Variants in QDPR observed in about 807,000 individuals in gnomAD.
The protein encoded by QDPR is quinoid dihydropteridine reductase, also known as dihydropteridine reductase.
In QDPR, 23 loss-of-function variants were observed where a neutral mutation model predicts 31.7. The observed-to-expected ratio is 0.73, with a 90% CI of 0.52 to 1.03. QDPR has a LOEUF of 1.03. Ranked by LOEUF, QDPR falls within the 50% of genes least tolerant of loss-of-function variation. The probability of loss-of-function intolerance (pLI) is 0.00; values close to 1 mark genes in which losing one functional copy is unlikely to be tolerated. For missense variants in QDPR, 324 were observed against 323.8 expected (o/e 1.00, Z 0.00); for synonymous variants, 124 against 124.7 (o/e 0.99, Z 0.03).
At chr4:17,504,151 C>T (rs539838957) in intron 3 of QDPR, among the ~76,000 whole-genome samples, 2 of 152,174 alleles carry the variant, frequency 1.3e-5, no homozygotes, top group African/African-American at 4.8e-5. Context: ...TCTGCCTCTA[C>T]TTTAAACTCA....
intron 1 of QDPR, among the ~76,000 whole-genome samples, chr4:17,510,542 T>C (rs1237311713): frequency 6.6e-6 from 1 of 152,098 alleles, no homozygotes; most frequent in African/African-American, 2.4e-5. Flanking sequence ...ACTGAAACAA[T>C]GAAAAGTCTC....
chr4:17,501,087 C>T (rs1718545631), intron 4 of QDPR, among the ~76,000 whole-genome samples: 1 of 152,166 alleles, frequency 6.6e-6, no homozygotes, highest in African/African-American at 2.4e-5. Context: ...CACTATTTTA[C>T]AATTAAGGAA....
chr4:17,499,782 T>C (rs1718494460), intron 4 of QDPR, among the ~76,000 whole-genome samples: 1 of 152,122 alleles, frequency 6.6e-6, no homozygotes. Context: ...TAGCCAGGCA[T>C]GGCAGTGTGT....
chr4:17,495,338 G>A (rs1419709318), intron 4 of QDPR, among the ~76,000 whole-genome samples: 1 of 152,150 alleles, frequency 6.6e-6, no homozygotes, highest in Non-Finnish European at 1.5e-5. Context: ...CCATGTCATG[G>A]AGCCTCTTCT....
chr4:17,486,893 A>G lies in QDPR; in HGVS notation c.*238T>C. 1 of 552,024 alleles carries G rather than the reference A, an allele frequency of 1.8e-6. No individual in the cohort carries two copies. Among genetic ancestry groups the G allele is most frequent in the Non-Finnish European group, 3.3e-6 (1 of 305,782 alleles). 34.2% of individuals were successfully genotyped at this position (552,024 alleles called of 1,614,324 possible). On this transcript the variant is annotated 3_prime_UTR_variant, in exon 7 of 7. Coordinates refer to ENST00000281243, the MANE Select transcript of QDPR (RefSeq NM_000320.3). ...GCAGGTGCTATGCAGAGCCCTCCCT[A>G]TGCAGTTAACACAGATCAACGGATG...
At chr4:17,506,254 C>T (rs549723838) in intron 2 of QDPR, among the ~76,000 whole-genome samples, 2 of 152,254 alleles carry the variant, frequency 1.3e-5, no homozygotes, top group Admixed American at 6.5e-5. Context: ...CTCAGCCTCC[C>T]GAGTAGCTGG....
chr4:17,487,315 T>A (rs959541263), intron 6 of QDPR, 79 bp from the exon 7 acceptor site: 2 of 1,024,048 alleles, frequency 2.0e-6, no homozygotes, highest in Admixed American at 1.9e-5. Flanking sequence ...AGTGACGGCT[T>A]GTGGGGTGGG....
intron 1 of QDPR, among the ~76,000 whole-genome samples, chr4:17,511,063 T>C (rs10027962): frequency 0.036 from 5,516 of 152,244 alleles, 339 homozygotes; most frequent in African/African-American, 0.13. Flanking sequence ...CCTTCATCTA[T>C]AAAAATTAGA....
intron 6 of QDPR, 35 bp from the exon 7 acceptor site, chr4:17,487,271 C>CAA (rs1717996007): frequency 6.9e-7 from 1 of 1,452,152 alleles, no homozygotes; most frequent in African/African-American, 1.5e-5. Context: ...TTTATATTCT[C>CAA]AAAGCAAAAA....
chr4:17,490,822 A>AAAACGC (rs769817692), intron 5 of QDPR, 77 bp from the exon 6 acceptor site: 7 of 1,159,320 alleles, frequency 6.0e-6, no homozygotes, highest in Non-Finnish European at 8.9e-6. Flanking sequence ...CTTGGCCAGG[A>AAAACGC]AAACGCAAAC....
rs1036307949 is a variant in QDPR, at chr4:17,486,899, T to G, written c.*232A>C. ...GCTATGCAGAGCCCTCCCTATGCAG[T>G]TAACACAGATCAACGGATGCTATTT... is the stretch of plus-strand genomic sequence containing the variant. On this transcript the variant is annotated 3_prime_UTR_variant, in exon 7 of 7. Coordinates refer to ENST00000281243, the MANE Select transcript of QDPR (RefSeq NM_000320.3). 35 of 567,816 alleles carry G rather than the reference T, an allele frequency of 6.2e-5. No homozygotes were observed. In the Admixed American group the frequency reaches 9.9e-4, roughly 16 times the overall value. 35.2% of individuals were successfully genotyped at this position (567,816 alleles called of 1,614,324 possible).
intron 6 of QDPR, among the ~76,000 whole-genome samples, chr4:17,488,441 A>C (rs1718047084): frequency 6.6e-6 from 1 of 152,134 alleles, no homozygotes; most frequent in Admixed American, 6.5e-5. Flanking sequence ...CAAACAATGG[A>C]AAAAGAGATA....
Position 17,487,036 on chromosome 4 carries a change from A to G in QDPR, c.*95T>C. ...ATAGGACTCATTATCTCGTACCACA[A>G]ACAGGGGTTACAGAAAACACAAGGC... On this transcript the variant is annotated 3_prime_UTR_variant, in exon 7 of 7. Coordinates refer to ENST00000281243, the MANE Select transcript of QDPR (RefSeq NM_000320.3). 2.1e-6 allele frequency: 2 copies of G among 962,440 alleles called. No homozygotes were observed. 59.6% of individuals were successfully genotyped at this position (962,440 alleles called of 1,614,324 possible).
chr4:17,492,219 C>A lies in QDPR; in HGVS notation c.545+13G>T. The A allele has an allele frequency of 6.2e-7, 1 of 1,611,108 alleles. No individual in the cohort carries two copies. Among genetic ancestry groups the A allele is most frequent in the African/African-American group, 1.3e-5 (1 of 75,020 alleles). On this transcript the variant is annotated intron_variant, in intron 5 of 6. Coordinates refer to ENST00000281243, the MANE Select transcript of QDPR (RefSeq NM_000320.3). ...CAGAGGTGGGCAGCAGCCAGGGAACCCCAAGCACTTACGGGAGCACAGCGA... is the reference window on the plus strand; with the variant it reads ...CAGAGGTGGGCAGCAGCCAGGGAACACCAAGCACTTACGGGAGCACAGCGA...
Position 17,491,037 on chromosome 4 carries a change from AAG to A in QDPR, c.546-294_546-293del, listed in dbSNP as rs1340790119. Among the ~76,000 whole-genome samples, 3 of 152,348 alleles carry A rather than the reference AAG, an allele frequency of 2.0e-5. No homozygotes were observed. In the East Asian group the frequency reaches 5.8e-4, roughly 29 times the overall value. On this transcript the variant is annotated intron_variant, in intron 5 of 6. Transcript: ENST00000281243. The stretch of plus-strand genomic sequence containing the variant: ...GGAGCCACATTTTGCCTTTTTAAAA[AAG>A]AGTCTTCACTGAATTAAACTGCTTT...
At chr4:17,501,505 C>A (rs1718559798) in intron 4 of QDPR, among the ~76,000 whole-genome samples, 1 of 151,998 alleles carries the variant, frequency 6.6e-6, no homozygotes, top group Non-Finnish European at 1.5e-5. Context: ...TCATAGCGTT[C>A]CTTACCACCA....
At chr4:17,511,896 G>C (rs1719024787) in intron 1 of QDPR, 54 bp downstream of exon 1, 4 of 1,565,372 alleles carry the variant, frequency 2.6e-6, no homozygotes, top group Non-Finnish European at 3.5e-6. Context: ...GGTTCCACAC[G>C]AAAGCCCCCG....
At chr4:17,488,390 AT>A (rs1467433461) in intron 6 of QDPR, among the ~76,000 whole-genome samples, 1 of 152,152 alleles carries the variant, frequency 6.6e-6, no homozygotes, top group Non-Finnish European at 1.5e-5. Context: ...TTTATTTGGC[AT>A]TTTTTTAATC....
At chr4:17,499,497 A>G (rs1718482870) in intron 4 of QDPR, among the ~76,000 whole-genome samples, 1 of 152,334 alleles carries the variant, frequency 6.6e-6, no homozygotes, top group African/African-American at 2.4e-5. Context: ...GACAGCTAAC[A>G]TTTACACAGC....
Sources: allele counts gnomAD v4.1 joint callset (sites outside exome capture counted in the v4.1 genomes callset), GRCh38; gene constraint gnomAD v4.1.1; transcripts MANE v1.5; gene names NCBI Gene and HGNC (gene_info 2026-07-23, HGNC 2026-07-21).